L3MBTL4: variants seen among roughly 807,000 people sequenced by gnomAD.
L3MBTL4 encodes the protein lethal(3)malignant brain tumor-like protein 4.
L3MBTL4 carries 70 observed loss-of-function variants against 84.5 expected under a neutral mutation model. The observed-to-expected ratio is 0.83, with a 90% confidence interval of 0.68 to 1.01. The LOEUF (loss-of-function observed/expected upper bound fraction) is 1.01. Among genes scored for constraint, L3MBTL4 ranks in the 50% least tolerant of loss-of-function variants. The pLI is 0.00. For missense variants in L3MBTL4, 715 were observed against 754.8 expected, an observed-to-expected ratio of 0.95 and a Z score of 0.62; for synonymous variants, 274 against 259.8, an observed-to-expected ratio of 1.05 and a Z score of -0.52.
At chr18:6,064,994 T>C (rs1404001238) in intron 16 of L3MBTL4, among the ~76,000 whole-genome samples, 2 of 152,054 alleles carry the variant, frequency 1.3e-5, no homozygotes, top group African/African-American at 4.8e-5. Flanking sequence ...GTTTACCTTA[T>C]ATGGCTTTTG....
chr18:6,366,653 G>T (rs917735007), intron 1 of L3MBTL4, among the ~76,000 whole-genome samples: 3 of 152,128 alleles, frequency 2.0e-5, no homozygotes, highest in Non-Finnish European at 2.9e-5. Context: ...CTTTAAATAG[G>T]TGTCTAATTT....
chr18:5,969,371 GC>G (rs1413826206), intron 17 of L3MBTL4, 21 bp downstream of exon 17: 1 of 1,612,996 alleles, frequency 6.2e-7, no homozygotes, highest in Non-Finnish European at 8.5e-7. Flanking sequence ...CCCAGCCCTG[GC>G]CCCCCAGCAG....
intron 5 of L3MBTL4, among the ~76,000 whole-genome samples, chr18:6,258,994 G>A (rs1235060080): frequency 1.3e-5 from 2 of 152,074 alleles, no homozygotes; most frequent in Non-Finnish European, 2.9e-5. Flanking sequence ...GTGGTTGGGA[G>A]CTGGAGTAGG....
At chr18:6,133,002 AG>A (rs1471452665) in intron 14 of L3MBTL4, among the ~76,000 whole-genome samples, 1 of 152,150 alleles carries the variant, frequency 6.6e-6, no homozygotes. Context: ...ATCAGCAGAG[AG>A]CTCTAAGGGA....
At chr18:6,175,227 G>T (rs750108870) in intron 12 of L3MBTL4, among the ~76,000 whole-genome samples, 3 of 152,116 alleles carry the variant, frequency 2.0e-5, no homozygotes, top group African/African-American at 7.2e-5. Flanking sequence ...ATGGGAAAGT[G>T]GGCCACCTTC....
chr18:6,282,046 T>A (rs1260068700), intron 4 of L3MBTL4, among the ~76,000 whole-genome samples: 1 of 152,130 alleles, frequency 6.6e-6, no homozygotes, highest in Non-Finnish European at 1.5e-5. Context: ...GTCCTTTTAT[T>A]AACTATGGGA....
intron 1 of L3MBTL4, among the ~76,000 whole-genome samples, chr18:6,344,950 C>T (rs2052802237): frequency 6.6e-6 from 1 of 151,778 alleles, no homozygotes; most frequent in African/African-American, 2.4e-5. Context: ...ATAAAGATGC[C>T]CACTCTCGAC....
At chr18:6,087,845 CA>C (rs1345973914) in intron 15 of L3MBTL4, among the ~76,000 whole-genome samples, 1 of 152,122 alleles carries the variant, frequency 6.6e-6, no homozygotes, top group Admixed American at 6.5e-5. Context: ...ATATCTATAG[CA>C]ATATCAATGT....
At chr18:6,401,185 G>A (rs1207461106) in intron 1 of L3MBTL4, among the ~76,000 whole-genome samples, 3 of 152,030 alleles carry the variant, frequency 2.0e-5, no homozygotes, top group Admixed American at 1.3e-4. Flanking sequence ...TACATCTCAC[G>A]GGCAATAATG....
At chr18:6,389,376 C>G (rs1202830461) in intron 1 of L3MBTL4, among the ~76,000 whole-genome samples, 2 of 152,070 alleles carry the variant, frequency 1.3e-5, no homozygotes, top group Non-Finnish European at 2.9e-5. Context: ...ACCTGTAAAA[C>G]AACAACACAA....
chr18:6,182,208 G>A (rs2145366035), intron 12 of L3MBTL4, among the ~76,000 whole-genome samples: 1 of 152,244 alleles, frequency 6.6e-6, no homozygotes, highest in Non-Finnish European at 1.5e-5. Flanking sequence ...GGTGTGAGAT[G>A]GTCTCTCACT....
intron 16 of L3MBTL4, among the ~76,000 whole-genome samples, chr18:6,068,964 A>C (rs948056848): frequency 6.6e-6 from 1 of 152,162 alleles, no homozygotes; most frequent in African/African-American, 2.4e-5. Context: ...GACCACAGTG[A>C]TTGTTAGTGC....
At chr18:6,165,561 T>C (rs1264053000) in intron 13 of L3MBTL4, among the ~76,000 whole-genome samples, 1 of 152,138 alleles carries the variant, frequency 6.6e-6, no homozygotes, top group Non-Finnish European at 1.5e-5. Flanking sequence ...CAACCCAAAA[T>C]TTCATATCCA....
chr18:5,994,965 C>T (rs2053883315), intron 16 of L3MBTL4, among the ~76,000 whole-genome samples: 1 of 152,214 alleles, frequency 6.6e-6, no homozygotes, highest in Non-Finnish European at 1.5e-5. Flanking sequence ...AGATAAGCCT[C>T]CCTTTTGTTC....
intron 1 of L3MBTL4, among the ~76,000 whole-genome samples, chr18:6,401,898 C>T (rs952855624): frequency 1.3e-5 from 2 of 152,202 alleles, no homozygotes; most frequent in African/African-American, 4.8e-5. Context: ...GGCGCAGCGC[C>T]ATCAAGGGGC....
chr18:6,204,354 G>C (rs2145693071), intron 12 of L3MBTL4, among the ~76,000 whole-genome samples: 1 of 152,294 alleles, frequency 6.6e-6, no homozygotes, highest in Admixed American at 6.5e-5. Flanking sequence ...AAGCTCTGTG[G>C]CTACTGCTTG....
In L3MBTL4 at chr18:6,342,801, T is replaced by TA. The variant is rs1374334154; in HGVS notation, c.-90-30746_-90-30745insT. 6.2e-5 allele frequency among the ~76,000 whole-genome samples: 9 copies of TA among 144,348 alleles called. 1 individual carries two copies. The East Asian group carries it at 1.2e-3, about 19-fold the overall frequency. 94.7% of individuals were successfully genotyped at this position (144,348 alleles called of 152,430 possible). A position where few individuals can be genotyped will look rare whatever the true frequency, so the allele number is the denominator to read the frequency against. On this transcript the variant is annotated intron_variant, in intron 1 of 18. Transcript: ENST00000317931. ...AAAACAAAGAGCAACTGAATTTTTT[T>TA]TAAAAAAAGATCCAACTATGAGCTG... is the stretch of plus-strand genomic sequence containing the variant.
intron 16 of L3MBTL4, among the ~76,000 whole-genome samples, chr18:6,028,109 C>A (rs2055596334): frequency 6.6e-6 from 1 of 152,142 alleles, no homozygotes; most frequent in African/African-American, 2.4e-5. Flanking sequence ...GAAGTCTTTG[C>A]CCATGTATAT....
chr18:5,969,244 AT>A, intron 17 of L3MBTL4, 148 bp downstream of exon 17: 1 of 820,682 alleles, frequency 1.2e-6, no homozygotes, highest in Non-Finnish European at 1.9e-6. Context: ...TCTCCCTCTA[AT>A]TTAGGTTTTA....
Sources: allele counts gnomAD v4.1 joint callset (sites outside exome capture counted in the v4.1 genomes callset), GRCh38; gene constraint gnomAD v4.1.1; transcripts MANE v1.5; gene names NCBI Gene and HGNC (gene_info 2026-07-23, HGNC 2026-07-21).